The following DSCAM variants were observed in gnomAD, a reference collection of about 807,000 sequenced individuals.
The protein encoded by DSCAM is cell adhesion molecule DSCAM.
Under a neutral mutation model 217.7 loss-of-function variants are expected in DSCAM, and 47 were observed. The ratio of observed to expected loss-of-function variants is 0.22; its 90% CI spans 0.17 to 0.28. The LOEUF (loss-of-function observed/expected upper bound fraction) is 0.28, where lower values mean the gene tolerates loss of function less well. Ranked by LOEUF, DSCAM falls within the 10% of genes least tolerant of loss-of-function variation. The pLI is 1.00. For synonymous variants in DSCAM, 1,056 were observed against 1,015.3 expected, an observed-to-expected ratio of 1.04 and a Z score of -0.76; for missense variants, 2,080 against 2,618.3, an observed-to-expected ratio of 0.79 and a Z score of 4.49.
intron 11 of DSCAM, among the ~76,000 whole-genome samples, chr21:40,218,089 A>G (rs1242050529): frequency 6.6e-6 from 1 of 152,038 alleles, no homozygotes; most frequent in Non-Finnish European, 1.5e-5. Context: ...TGTGTCCAGG[A>G]TGGTATTGCC....
chr21:40,683,317 T>C (rs2090435212), intron 3 of DSCAM, among the ~76,000 whole-genome samples: 1 of 152,110 alleles, frequency 6.6e-6, no homozygotes, highest in Non-Finnish European at 1.5e-5. Context: ...CTTGAAGTAG[T>C]GAATTTCAGT....
chr21:40,578,604 C>T (rs990682792), intron 3 of DSCAM, among the ~76,000 whole-genome samples: 5 of 152,200 alleles, frequency 3.3e-5, no homozygotes, highest in Admixed American at 6.5e-5. Context: ...CGTGGGACCC[C>T]TTTTGCACTG....
intron 16 of DSCAM, among the ~76,000 whole-genome samples, chr21:40,157,537 C>T (rs939185529): frequency 3.9e-5 from 6 of 152,216 alleles, no homozygotes; most frequent in Admixed American, 1.3e-4. Context: ...ATAGTTCTAA[C>T]TTGTGTTCTA....
chr21:40,500,122 TGGGA>T (rs1420540328), intron 3 of DSCAM, among the ~76,000 whole-genome samples: 2 of 152,128 alleles, frequency 1.3e-5, no homozygotes, highest in African/African-American at 4.8e-5. Context: ...TCAGCAGTAC[TGGGA>T]GGGAGGAGGA....
intron 1 of DSCAM, among the ~76,000 whole-genome samples, chr21:40,832,116 C>T (rs2092016082): frequency 6.6e-6 from 1 of 152,150 alleles, no homozygotes; most frequent in Non-Finnish European, 1.5e-5. Flanking sequence ...TAAAAATACC[C>T]ATTTGACTGA....
intron 1 of DSCAM, among the ~76,000 whole-genome samples, chr21:40,738,386 T>A (rs1307622031): frequency 6.6e-6 from 1 of 152,204 alleles, no homozygotes; most frequent in African/African-American, 2.4e-5. Context: ...AATCGCATCT[T>A]CTTCTGCCCT....
At chr21:40,162,045 G>T (rs1288954793) in intron 16 of DSCAM, among the ~76,000 whole-genome samples, 1 of 152,164 alleles carries the variant, frequency 6.6e-6, no homozygotes, top group Non-Finnish European at 1.5e-5. Context: ...ACATGAGTTT[G>T]CAAGGAATAG....
chr21:40,591,095 G>A (rs972336728), intron 3 of DSCAM, among the ~76,000 whole-genome samples: 21 of 135,084 alleles, frequency 1.6e-4, no homozygotes, highest in African/African-American at 4.7e-4. Flanking sequence ...GAGTTCTCAC[G>A]AGATCACATT....
At chr21:40,295,340 C>T (rs1215749550) in intron 10 of DSCAM, among the ~76,000 whole-genome samples, 1 of 152,138 alleles carries the variant, frequency 6.6e-6, no homozygotes, top group Non-Finnish European at 1.5e-5. Flanking sequence ...CTGAAGAAGC[C>T]ACCCTAATGA....
chr21:40,762,616 G>A (rs1296230928), intron 1 of DSCAM, among the ~76,000 whole-genome samples: 1 of 152,162 alleles, frequency 6.6e-6, no homozygotes, highest in Non-Finnish European at 1.5e-5. Context: ...ATTTTATGAG[G>A]CCAGCATCAT....
intron 3 of DSCAM, among the ~76,000 whole-genome samples, chr21:40,455,272 T>C (rs1302108487): frequency 6.6e-6 from 1 of 151,788 alleles, no homozygotes; most frequent in Non-Finnish European, 1.5e-5. Context: ...TGTATGGTCA[T>C]GAATGAAAAG....
At chr21:40,663,869 C>CT (rs1185767237) in intron 3 of DSCAM, among the ~76,000 whole-genome samples, 3 of 151,992 alleles carry the variant, frequency 2.0e-5, no homozygotes, top group African/African-American at 7.3e-5. Flanking sequence ...GCCAATAAGA[C>CT]TTTTTTTTGA....
chr21:40,705,370 G>A (rs2090701782), intron 2 of DSCAM, among the ~76,000 whole-genome samples: 1 of 152,078 alleles, frequency 6.6e-6, no homozygotes, highest in African/African-American at 2.4e-5. Context: ...GTCCAGTCTT[G>A]AAAATGGTTG....
At chr21:40,474,407 G>A (rs2075915940) in intron 3 of DSCAM, among the ~76,000 whole-genome samples, 1 of 152,016 alleles carries the variant, frequency 6.6e-6, no homozygotes, top group African/African-American at 2.4e-5. Flanking sequence ...TTCCTTTGCA[G>A]CATATAATAT....
chr21:40,233,056 A>G (rs2091395680), intron 11 of DSCAM, among the ~76,000 whole-genome samples: 1 of 152,182 alleles, frequency 6.6e-6, no homozygotes, highest in African/African-American at 2.4e-5. Context: ...GGAGAGGATC[A>G]GAAAAAACAC....
At chr21:40,701,675 ATT>A (rs35209101) in intron 2 of DSCAM, among the ~76,000 whole-genome samples, 300 of 146,898 alleles carry the variant, frequency 2.0e-3, no homozygotes, top group African/African-American at 7.1e-3. Context: ...TTTTTTCTGA[ATT>A]TTTTTTTTTG....
chr21:40,436,492 T>C (rs2075583721), intron 3 of DSCAM, among the ~76,000 whole-genome samples: 1 of 152,148 alleles, frequency 6.6e-6, no homozygotes, highest in African/African-American at 2.4e-5. Context: ...TGCACATACA[T>C]TTAGATTAGG....
At chr21:40,361,384 G>A (rs1228017690) in intron 4 of DSCAM, among the ~76,000 whole-genome samples, 1 of 152,144 alleles carries the variant, frequency 6.6e-6, no homozygotes, top group African/African-American at 2.4e-5. Flanking sequence ...ACTTTGGGAG[G>A]CCGAGGCAGG....
At chr21:40,778,164 G>A (rs2091505668) in intron 1 of DSCAM, among the ~76,000 whole-genome samples, 1 of 152,074 alleles carries the variant, frequency 6.6e-6, no homozygotes, top group South Asian at 2.1e-4. Context: ...CAAGAAAAAG[G>A]AACACGACCT....
Sources: gnomAD v4.1 joint callset for allele counts (sites outside exome capture counted in the v4.1 genomes callset) on GRCh38, gnomAD v4.1.1 for gene constraint, MANE v1.5 for transcripts, NCBI Gene and HGNC (gene_info 2026-07-23, HGNC 2026-07-21) for gene names.